The following FNDC8 variants were observed in gnomAD, a reference collection of about 807,000 sequenced individuals.
FNDC8 encodes the protein fibronectin type III domain containing 8, also known as fibronectin type III domain-containing protein 8.
Under a neutral mutation model 24.8 loss-of-function variants are expected in FNDC8, and 23 were observed. The ratio of observed to expected loss-of-function variants is 0.93; its 90% CI spans 0.67 to 1.31. The LOEUF (loss-of-function observed/expected upper bound fraction) is 1.31, where lower values mean the gene tolerates loss of function less well. Ranked by LOEUF, FNDC8 falls within the 40% of genes most tolerant of loss-of-function variation. The pLI is 0.00. For missense variants in FNDC8, 371 were observed against 398.2 expected (o/e 0.93, Z 0.58); for synonymous variants, 158 against 165.3 (o/e 0.96, Z 0.34).
chr17:35,127,182 A>T lies in FNDC8; in HGVS notation c.350A>T (p.Glu117Val). 2.5e-6 allele frequency: 4 copies of T among 1,614,078 alleles called. No individual in the cohort carries two copies. Among genetic ancestry groups the T allele is most frequent in the Middle Eastern group, 1.6e-4 (1 of 6,062 alleles). ...SSFFAGMLEGELNKLSFSPMA... is the reference protein window; with the variant it reads ...SSFFAGMLEGVLNKLSFSPMA... ...TTCTTTGCAGGGATGCTGGAGGGGG[A>T]GCTGAACAAACTCAGCTTCTCCCCA... Residue 117 changes from glutamate to valine, a missense_variant, in exon 2 of 4, where the codon GAG (glutamate) becomes GTG (valine). Physicochemically the swap from Glu to Val is moderately radical, Grantham distance 121 (BLOSUM62 -2). Coordinates refer to ENST00000158009, the MANE Select transcript of FNDC8 (RefSeq NM_017559.4).
chr17:35,126,630 G>A (rs1352910746), intron 1 of FNDC8, among the ~76,000 whole-genome samples: 1 of 150,942 alleles, frequency 6.6e-6, no homozygotes, highest in Non-Finnish European at 1.5e-5. Flanking sequence ...AGCCTACCAA[G>A]TAGCTAGGAT....
intron 2 of FNDC8, among the ~76,000 whole-genome samples, chr17:35,128,454 A>G (rs2091857711): frequency 6.6e-6 from 1 of 152,206 alleles, no homozygotes; most frequent in African/African-American, 2.4e-5. Context: ...AGAAATCTGC[A>G]GTTACAAAAT....
In FNDC8 at chr17:35,130,516, T is replaced by C. The variant is rs1311556086; in HGVS notation, c.*82T>C. 3 of 1,431,788 alleles carry C rather than the reference T, an allele frequency of 2.1e-6. No homozygotes were observed. Among genetic ancestry groups the C allele is most frequent in the East Asian group, 2.3e-5 (1 of 43,448 alleles). 88.7% of individuals were successfully genotyped at this position (1,431,788 alleles called of 1,614,324 possible). A position where few individuals can be genotyped will look rare whatever the true frequency, so the allele number is the denominator to read the frequency against. ...GAAACCAGAGCCATGAGACCTACCATACCACCAGCACCCTGCGGGCCCGGG... is the reference window on the plus strand; with the variant it reads ...GAAACCAGAGCCATGAGACCTACCACACCACCAGCACCCTGCGGGCCCGGG... On this transcript the variant is annotated 3_prime_UTR_variant, in exon 4 of 4. Coordinates refer to ENST00000158009, the MANE Select transcript of FNDC8 (RefSeq NM_017559.4).
chr17:35,123,644 G>A (rs558834088), intron 1 of FNDC8, among the ~76,000 whole-genome samples: 123 of 152,192 alleles, frequency 8.1e-4, no homozygotes, highest in Admixed American at 2.4e-3. Context: ...AGGCTGAGGC[G>A]GAAGAATCCT....
chr17:35,127,245 GC>G lies in FNDC8; in HGVS notation c.417del (p.Cys140AlafsTer56), dbSNP rs2091852978. On this transcript the variant is annotated frameshift_variant, in exon 2 of 4. Transcript: ENST00000158009. LOFTEE classifies it high-confidence loss of function. ...KNAENEDLAL[G>X]PCPCPSKSQM... ...GCAGAAAATGAGGACCTGGCGCTCG[GC>G]CCCTGCCCATGCCCATCGAAGTCCC... 20 of 1,613,880 alleles carry G rather than the reference GC, an allele frequency of 1.2e-5. No individual in the cohort carries two copies. The highest frequency in any genetic ancestry group is 1.6e-5 in the Non-Finnish European group (19 of 1,179,852).
chr17:35,123,233 A>T (rs549154561), intron 1 of FNDC8, among the ~76,000 whole-genome samples: 97 of 152,256 alleles, frequency 6.4e-4, no homozygotes, highest in African/African-American at 2.2e-3. Flanking sequence ...GGGTACTTCA[A>T]TTTGCACTGG....
In FNDC8 at chr17:35,129,406, C is replaced by T. The variant is rs550171388; in HGVS notation, c.586-16C>T. ...GGACATATCTGAGGAAGCCTCGGGG[C>T]TCTCTCTTCCCCTAGATTTCCTGGA... On this transcript the variant is annotated splice_polypyrimidine_tract_variant and intron_variant, in intron 2 of 3. Coordinates refer to ENST00000158009, the MANE Select transcript of FNDC8 (RefSeq NM_017559.4). The T allele has an allele frequency of 4.0e-5, 65 of 1,610,968 alleles. 1 individual carries two copies. In the Admixed American group the frequency reaches 9.3e-4, roughly 23 times the overall value.
rs199607691 is a variant in FNDC8 at position 35,130,342 on chromosome 17, G to C, written c.883G>C (p.Val295Leu). The change falls in exon 4 of 4, where the codon GTG (valine) becomes CTG (leucine). Residue 295 changes from valine (V) to leucine (L), a missense_variant. Transcript: ENST00000158009. ...TGAGAACTACCCCATCCAGATCACC[G>C]TGCGGCGCAAGGAACCCCGGCAAAA... ...FPENYPIQIT[V>L]RRKEPRQKIV... is the part of the protein sequence containing the mutation. 3.7e-6 allele frequency: 6 copies of C among 1,614,010 alleles called. No individual in the cohort carries two copies. In the East Asian group the frequency reaches 1.1e-4, roughly 30 times the overall value.
rs2306508 is a variant in FNDC8, at chr17:35,127,396, C to G, written c.564C>G (p.Thr188=). 5.8e-6 allele frequency: 9 copies of G among 1,556,860 alleles called. No homozygotes were observed. The highest frequency in any genetic ancestry group is 1.2e-5 in the South Asian group (1 of 82,520). The part of the protein sequence containing the change: ...LPDTPFIFEH[T]VNNSTAVISW... ...ACACCCCCTTCATCTTTGAGCACACCGTCAACAATTCCACAGCTGTGGTGC... is the reference window on the plus strand; with the variant it reads ...ACACCCCCTTCATCTTTGAGCACACGGTCAACAATTCCACAGCTGTGGTGC... Residue 188 remains threonine (T), a synonymous_variant, in exon 2 of 4, where the codon ACC becomes ACG. Coordinates refer to ENST00000158009, the MANE Select transcript of FNDC8 (RefSeq NM_017559.4).
In FNDC8 at chr17:35,127,130, T is replaced by G; in HGVS notation, c.298T>G (p.Leu100Val). Residue 100 changes from leucine to valine, a missense_variant, in exon 2 of 4, where the codon TTA becomes GTA. Coordinates refer to ENST00000158009, the MANE Select transcript of FNDC8 (RefSeq NM_017559.4). Reference sequence around the variant, plus strand: ...ATCCACCTTGCTGAACCCCATCAAATTAGCTGTGACCCAGCCCAACAGCAG... The same window carrying G: ...ATCCACCTTGCTGAACCCCATCAAAGTAGCTGTGACCCAGCCCAACAGCAG... Reference protein sequence around the residue: ...FSSTLLNPIKLAVTQPNSSFF... With the variant: ...FSSTLLNPIKVAVTQPNSSFF... The G allele has an allele frequency of 1.9e-6, 3 of 1,614,180 alleles. No homozygotes were observed. The highest frequency in any genetic ancestry group is 2.5e-6 in the Non-Finnish European group (3 of 1,180,020).
At chr17:35,123,755 C>CA (rs952582582) in intron 1 of FNDC8, among the ~76,000 whole-genome samples, 4 of 147,774 alleles carry the variant, frequency 2.7e-5, no homozygotes, top group African/African-American at 7.7e-5. Context: ...AAAAACAAAA[C>CA]AAAACAAAAA....
chr17:35,127,247 C>G lies in FNDC8; in HGVS notation c.415C>G (p.Pro139Ala). ...NAENEDLALG[P>A]CPCPSKSQMA... Reference sequence around the variant, plus strand: ...AGAAAATGAGGACCTGGCGCTCGGCCCCTGCCCATGCCCATCGAAGTCCCA... The same window carrying G: ...AGAAAATGAGGACCTGGCGCTCGGCGCCTGCCCATGCCCATCGAAGTCCCA... The change falls in exon 2 of 4, where the codon CCC becomes GCC. Residue 139 changes from proline (P) to alanine (A), a missense_variant. By Grantham distance (27) the Pro-to-Ala change is conservative. Transcript: ENST00000158009. 1 of 1,613,858 alleles carries G rather than the reference C, an allele frequency of 6.2e-7. No individual in the cohort carries two copies.
At chr17:35,122,157 CATATATATATATATATATATAT>C (rs1161260066) in intron 1 of FNDC8, among the ~76,000 whole-genome samples, 3 of 36,460 alleles carry the variant, frequency 8.2e-5, no homozygotes, top group Non-Finnish European at 1.0e-4. Flanking sequence ...GGCTAATTTT[CATATATATATATATATATATAT>C]ATATATATAT....
At chr17:35,125,919 ATTTGT>A (rs1205300878) in intron 1 of FNDC8, among the ~76,000 whole-genome samples, 1 of 152,058 alleles carries the variant, frequency 6.6e-6, no homozygotes, top group Admixed American at 6.6e-5. Context: ...ACATATGTAT[ATTTGT>A]TTTATTTTAT....
In FNDC8 at chr17:35,127,283, AG is replaced by A. The variant is rs767623646; in HGVS notation, c.455del (p.Gly152AlafsTer44). The part of the protein sequence containing the change: ...PCPSKSQMAT[R>X]GLLDLDNPEL... ...CCCATCGAAGTCCCAGATGGCCACAAGGGGCCTGCTGGACCTTGACAACCCT... is the reference window on the plus strand; with the variant it reads ...CCCATCGAAGTCCCAGATGGCCACAAGGGCCTGCTGGACCTTGACAACCCT... On this transcript the variant is annotated frameshift_variant, in exon 2 of 4. Coordinates refer to ENST00000158009, the MANE Select transcript of FNDC8 (RefSeq NM_017559.4). LOFTEE classifies it high-confidence loss of function. 2 of 1,613,948 alleles carry A rather than the reference AG, an allele frequency of 1.2e-6. No homozygotes were observed. Among genetic ancestry groups the A allele is most frequent in the African/African-American group, 2.7e-5 (2 of 74,930 alleles).
chr17:35,122,070 G>T (rs2091828307), intron 1 of FNDC8, among the ~76,000 whole-genome samples, 168 bp downstream of exon 1: 1 of 125,490 alleles, frequency 8.0e-6, no homozygotes, highest in South Asian at 2.7e-4. Context: ...CTGCAGCCTT[G>T]AATTCTTGAG....
chr17:35,121,823 A>C lies in FNDC8; in HGVS notation c.130A>C (p.Thr44Pro). ...TTCAAACCCCAAGTCTATGAACCGG[A>C]CCGTCACTACCAAAGGACTCCCACT... Reference protein sequence around the residue: ...PFSNPKSMNRTVTTKGLPLAS... With the variant: ...PFSNPKSMNRPVTTKGLPLAS... The change falls in exon 1 of 4, where the codon ACC (threonine) becomes CCC (proline). Residue 44 changes from threonine (T) to proline (P), a missense_variant. Physicochemically the swap from Thr to Pro is conservative, Grantham distance 38 (BLOSUM62 -1). Transcript: ENST00000158009. 6.2e-7 allele frequency: 1 copy of C among 1,613,720 alleles called. No homozygotes were observed. The highest frequency in any genetic ancestry group is 8.5e-7 in the Non-Finnish European group (1 of 1,179,952).
intron 1 of FNDC8, 51 bp downstream of exon 1, chr17:35,121,953 TCCTC>T (rs765268656): frequency 1.2e-5 from 15 of 1,207,874 alleles, no homozygotes; most frequent in African/African-American, 3.6e-5. Context: ...CTCCCTTCCT[TCCTC>T]CCTTCCTTCC....
chr17:35,125,156 A>C (rs1410182086), intron 1 of FNDC8, among the ~76,000 whole-genome samples: 1 of 152,146 alleles, frequency 6.6e-6, no homozygotes, highest in African/African-American at 2.4e-5. Flanking sequence ...ATAACAATAC[A>C]AATATCCATA....
Sources: allele counts gnomAD v4.1 joint callset (sites outside exome capture counted in the v4.1 genomes callset), GRCh38; gene constraint gnomAD v4.1.1; transcripts MANE v1.5; gene names NCBI Gene and HGNC (gene_info 2026-07-23, HGNC 2026-07-21).